Variants in TMEM117 observed in about 807,000 individuals in gnomAD.
TMEM117 encodes the protein transmembrane protein 117.
A neutral mutation model predicts 52.4 loss-of-function variants in TMEM117; 27 were observed. The ratio of observed to expected loss-of-function variants is 0.51; its 90% CI spans 0.38 to 0.71. The LOEUF (loss-of-function observed/expected upper bound fraction) is 0.71. Ranked by LOEUF, TMEM117 falls within the 30% of genes least tolerant of loss-of-function variation. TMEM117 has a pLI of 0.00. For missense variants in TMEM117, 556 were observed against 630.5 expected (o/e 0.88, Z 1.26); for synonymous variants, 215 against 206.3 (o/e 1.04, Z -0.36).
At chr12:44,374,827 C>G (rs978211383) in intron 6 of TMEM117, among the ~76,000 whole-genome samples, 1 of 152,052 alleles carries the variant, frequency 6.6e-6, no homozygotes, top group Non-Finnish European at 1.5e-5. Flanking sequence ...ATACACTTGC[C>G]CAATTACTAC....
chr12:44,145,582 G>A (rs1948631484), intron 4 of TMEM117, among the ~76,000 whole-genome samples: 1 of 152,148 alleles, frequency 6.6e-6, no homozygotes, highest in African/African-American at 2.4e-5. Context: ...ACATTGTGGG[G>A]CTTCTCATCA....
intron 2 of TMEM117, among the ~76,000 whole-genome samples, chr12:43,901,334 G>A (rs561926068): frequency 6.6e-5 from 10 of 151,770 alleles, no homozygotes; most frequent in South Asian, 2.1e-4. Flanking sequence ...TTTTTGAGAC[G>A]GAGTCTTGCT....
intron 3 of TMEM117, among the ~76,000 whole-genome samples, chr12:44,108,153 T>A (rs768377799): frequency 6.6e-6 from 1 of 152,098 alleles, no homozygotes; most frequent in Non-Finnish European, 1.5e-5. Context: ...GTTTACTTCA[T>A]CTCTTTCTTT....
chr12:43,806,272 G>A, the TMEM117 span: 10 of 1,515,160 alleles, frequency 6.6e-6, no homozygotes, highest in African/African-American at 2.9e-5. Flanking sequence ...TCCCGGCTCC[G>A]GCGCTGAGTG....
the TMEM117 span, chr12:43,797,501 T>G: frequency 6.9e-7 from 1 of 1,459,248 alleles, no homozygotes; most frequent in Non-Finnish European, 9.3e-7. Context: ...TATAAGGAAA[T>G]TAAGTTAAAA....
chr12:44,155,300 G>C (rs184301333), intron 4 of TMEM117, among the ~76,000 whole-genome samples: 1 of 152,110 alleles, frequency 6.6e-6, no homozygotes, highest in Admixed American at 6.6e-5. Context: ...AATTAGTAAG[G>C]AGTAAACATT....
At chr12:44,089,958 A>G (rs1163855427) in intron 3 of TMEM117, among the ~76,000 whole-genome samples, 1 of 152,206 alleles carries the variant, frequency 6.6e-6, no homozygotes, top group East Asian at 1.9e-4. Context: ...TTGCCAACCC[A>G]TCTTCTAGAG....
chr12:43,834,216 G>A (rs1942999045), upstream of TMEM117, among the ~76,000 whole-genome samples: 1 of 152,136 alleles, frequency 6.6e-6, no homozygotes, highest in Non-Finnish European at 1.5e-5. Context: ...GAGATACAAG[G>A]AAAATATAGC....
At chr12:44,133,471 T>C (rs1948445120) in intron 3 of TMEM117, among the ~76,000 whole-genome samples, 1 of 152,168 alleles carries the variant, frequency 6.6e-6, no homozygotes, top group Non-Finnish European at 1.5e-5. Context: ...ATGGGTGGAA[T>C]TGTGGCTTTT....
At chr12:43,818,816 A>G in the TMEM117 span, among the ~76,000 whole-genome samples, 9 of 152,208 alleles carry the variant, frequency 5.9e-5, no homozygotes, top group Admixed American at 5.9e-4. Context: ...TACACATTTT[A>G]ATGGAGTCAG....
chr12:44,118,042 A>T (rs967365025), intron 3 of TMEM117, among the ~76,000 whole-genome samples: 1 of 152,086 alleles, frequency 6.6e-6, no homozygotes, highest in African/African-American at 2.4e-5. Context: ...CTTTATTAAA[A>T]AAAAAACACG....
chr12:44,169,999 GT>G (rs1202879875), intron 4 of TMEM117, among the ~76,000 whole-genome samples: 1 of 152,124 alleles, frequency 6.6e-6, no homozygotes, highest in Non-Finnish European at 1.5e-5. Context: ...GCACACGTAT[GT>G]TTATTGCAGC....
chr12:44,096,442 C>A (rs892567860), intron 3 of TMEM117, among the ~76,000 whole-genome samples: 3 of 152,126 alleles, frequency 2.0e-5, no homozygotes, highest in African/African-American at 7.2e-5. Context: ...CTGGAGGCAT[C>A]ACGCTACCTG....
chr12:43,856,363 T>C (rs1009117113), intron 2 of TMEM117, among the ~76,000 whole-genome samples: 2 of 152,206 alleles, frequency 1.3e-5, no homozygotes, highest in Non-Finnish European at 2.9e-5. Flanking sequence ...CAAGACCCAG[T>C]CCTTTTTCAC....
intron 3 of TMEM117, among the ~76,000 whole-genome samples, chr12:43,980,004 G>C (rs375079674): frequency 1.3e-5 from 2 of 152,080 alleles, no homozygotes; most frequent in African/African-American, 2.4e-5. Context: ...AAAAGAAATG[G>C]GTTCATAGAA....
intron 3 of TMEM117, among the ~76,000 whole-genome samples, chr12:44,118,446 A>G (rs927181870): frequency 6.6e-6 from 1 of 152,192 alleles, no homozygotes; most frequent in African/African-American, 2.4e-5. Context: ...AAGAGAAGCA[A>G]GGGTCAACTG....
chr12:43,887,070 A>G (rs1386657017), intron 2 of TMEM117, among the ~76,000 whole-genome samples: 2 of 152,004 alleles, frequency 1.3e-5, no homozygotes, highest in Non-Finnish European at 2.9e-5. Context: ...GCTGGTCTCG[A>G]GCTCCTGACC....
intron 7 of TMEM117, among the ~76,000 whole-genome samples, chr12:44,378,596 A>G (rs1398095592): frequency 6.6e-6 from 1 of 152,198 alleles, no homozygotes; most frequent in East Asian, 1.9e-4. Flanking sequence ...TTATTTTCTG[A>G]AAACCTAAAA....
Position 44,355,548 on chromosome 12 carries a change from C to A in TMEM117, c.769-21047C>A, listed in dbSNP as rs555109793. Among the ~76,000 whole-genome samples the A allele has an allele frequency of 3.3e-5, 5 of 152,070 alleles. No individual in the cohort carries two copies. In the East Asian group the frequency reaches 7.8e-4, roughly 24 times the overall value. On this transcript the variant is annotated intron_variant, in intron 6 of 7. Coordinates refer to ENST00000266534, the MANE Select transcript of TMEM117 (RefSeq NM_032256.3). ...AGAGTCTTTTAGGAAGTAGTCCATC[C>A]TATGGCAATAGAGAGTTGACATAGA...
Sources: gnomAD v4.1 joint callset for allele counts (sites outside exome capture counted in the v4.1 genomes callset) on GRCh38, gnomAD v4.1.1 for gene constraint, MANE v1.5 for transcripts, NCBI Gene and HGNC (gene_info 2026-07-23, HGNC 2026-07-21) for gene names.